Variants in KHDRBS3 observed in about 807,000 individuals in gnomAD.
The protein encoded by KHDRBS3 is KH RNA binding domain containing, signal transduction associated 3.
Under a neutral mutation model 45.6 loss-of-function variants are expected in KHDRBS3, and 23 were observed. The observed-to-expected ratio is 0.50, with a 90% CI of 0.36 to 0.72. KHDRBS3 has a LOEUF of 0.72. KHDRBS3 is among the 30% of genes least tolerant of loss of function. The probability of loss-of-function intolerance (pLI) is 0.00; values close to 1 mark genes in which losing one functional copy is unlikely to be tolerated. For missense variants in KHDRBS3, 352 were observed against 424.8 expected, an observed-to-expected ratio of 0.83 and a Z score of 1.51; for synonymous variants, 162 against 156.5, an observed-to-expected ratio of 1.04 and a Z score of -0.26.
chr8:135,470,800 G>T (rs1821979359), intron 1 of KHDRBS3, among the ~76,000 whole-genome samples: 2 of 152,176 alleles, frequency 1.3e-5, no homozygotes, highest in South Asian at 2.1e-4. Context: ...TGGCCAGGGT[G>T]GTCTTGAACT....
chr8:135,469,904 A>G (rs1451486248), intron 1 of KHDRBS3, among the ~76,000 whole-genome samples: 2 of 152,244 alleles, frequency 1.3e-5, no homozygotes, highest in African/African-American at 2.4e-5. Context: ...GCGCTAGAGT[A>G]CATCGCAGCC....
intron 4 of KHDRBS3, among the ~76,000 whole-genome samples, chr8:135,556,198 A>G (rs578252870): frequency 2.8e-4 from 43 of 152,304 alleles, no homozygotes; most frequent in Admixed American, 8.5e-4. Flanking sequence ...GTAAACATAC[A>G]TGTGCATGTG....
intron 7 of KHDRBS3, among the ~76,000 whole-genome samples, chr8:135,620,267 AT>A (rs1830083242): frequency 6.6e-6 from 1 of 151,898 alleles, no homozygotes. Context: ...TACTCAGCTA[AT>A]TTTCGTATTT....
chr8:135,556,785 G>A (rs1198126806), intron 4 of KHDRBS3, among the ~76,000 whole-genome samples: 1 of 152,122 alleles, frequency 6.6e-6, no homozygotes, highest in African/African-American at 2.4e-5. Context: ...GGAGTTCAGG[G>A]TGCTAAGGAA....
At chr8:135,477,570 A>C (rs1156646131) in intron 1 of KHDRBS3, among the ~76,000 whole-genome samples, 1 of 152,212 alleles carries the variant, frequency 6.6e-6, no homozygotes, top group Non-Finnish European at 1.5e-5. Flanking sequence ...ACAAACTAGG[A>C]CTTGATTCAG....
chr8:135,530,473 A>G (rs1825417167), intron 2 of KHDRBS3, among the ~76,000 whole-genome samples: 1 of 152,238 alleles, frequency 6.6e-6, no homozygotes, highest in Admixed American at 6.5e-5. Flanking sequence ...AAATGGACAC[A>G]TAATACAAAG....
chr8:135,606,182 T>G (rs1021536758), intron 6 of KHDRBS3, among the ~76,000 whole-genome samples: 2 of 151,888 alleles, frequency 1.3e-5, no homozygotes, highest in African/African-American at 4.8e-5. Flanking sequence ...AACCTCAAGG[T>G]CAACCAGAAG....
At chr8:135,574,571 T>C (rs1827866395) in intron 5 of KHDRBS3, among the ~76,000 whole-genome samples, 1 of 152,168 alleles carries the variant, frequency 6.6e-6, no homozygotes, top group African/African-American at 2.4e-5. Context: ...TCAAGAAGCA[T>C]ATTGAATATT....
intron 2 of KHDRBS3, among the ~76,000 whole-genome samples, chr8:135,523,837 C>T (rs745535596): frequency 3.3e-5 from 5 of 152,076 alleles, no homozygotes; most frequent in Non-Finnish European, 7.4e-5. Flanking sequence ...GCTTTTTCTA[C>T]ATCTATTGAA....
chr8:135,509,662 C>G (rs1407602922), intron 1 of KHDRBS3, among the ~76,000 whole-genome samples: 1 of 152,172 alleles, frequency 6.6e-6, no homozygotes, highest in Non-Finnish European at 1.5e-5. Flanking sequence ...ATACATTTAT[C>G]TCATTGAAGC....
intron 6 of KHDRBS3, among the ~76,000 whole-genome samples, chr8:135,602,706 C>T (rs1281900483): frequency 6.6e-6 from 1 of 152,094 alleles, no homozygotes; most frequent in African/African-American, 2.4e-5. Flanking sequence ...GCATTTTGCC[C>T]AACTGTGTGC....
In KHDRBS3 at chr8:135,465,540, G is replaced by A. The variant is rs954554460; in HGVS notation, c.88+7586G>A. 4.6e-5 allele frequency among the ~76,000 whole-genome samples: 7 copies of A among 152,132 alleles called. No individual in the cohort carries two copies. In the South Asian group the frequency reaches 8.3e-4, roughly 18 times the overall value. On this transcript the variant is annotated intron_variant, in intron 1 of 8. Transcript: ENST00000355849. ...AGGAAGCTTCTTTCATTAATATCAT[G>A]CACAAAATTAGCAGCAGCTCTGATT...
chr8:135,534,050 C>G (rs1219342833), intron 2 of KHDRBS3, among the ~76,000 whole-genome samples: 2 of 152,254 alleles, frequency 1.3e-5, no homozygotes, highest in South Asian at 2.1e-4. Flanking sequence ...CTAAGTTGAA[C>G]CATTGTAAGT....
chr8:135,627,239 A>G (rs554962605), intron 7 of KHDRBS3, among the ~76,000 whole-genome samples: 68 of 152,072 alleles, frequency 4.5e-4, no homozygotes, highest in African/African-American at 1.6e-3. Flanking sequence ...TCTCTTCCGC[A>G]CTCCTTCACC....
At chr8:135,577,107 G>GT (rs35447347) in intron 5 of KHDRBS3, among the ~76,000 whole-genome samples, 38,985 of 149,280 alleles carry the variant, frequency 0.26, 5,343 homozygotes, top group East Asian at 0.53. Context: ...CTTATTTACG[G>GT]TTTTTTTTTT....
chr8:135,526,196 T>TTTTC (rs1825175324), intron 2 of KHDRBS3, among the ~76,000 whole-genome samples: 1 of 152,090 alleles, frequency 6.6e-6, no homozygotes, highest in South Asian at 2.1e-4. Context: ...GACAATGCAT[T>TTTTC]TCTCGGAATG....
intron 7 of KHDRBS3, among the ~76,000 whole-genome samples, chr8:135,640,425 G>A (rs911270281): frequency 6.6e-6 from 1 of 152,140 alleles, no homozygotes; most frequent in Non-Finnish European, 1.5e-5. Flanking sequence ...CTCAGGGTTT[G>A]TGGTCTTCCT....
chr8:135,476,247 G>A (rs749369046), intron 1 of KHDRBS3, among the ~76,000 whole-genome samples: 4 of 151,942 alleles, frequency 2.6e-5, no homozygotes, highest in Admixed American at 1.3e-4. Context: ...GGGTTCAAGC[G>A]ATTCTCCTGC....
chr8:135,544,878 A>G (rs1306997010), intron 3 of KHDRBS3, among the ~76,000 whole-genome samples: 2 of 152,026 alleles, frequency 1.3e-5, no homozygotes, highest in African/African-American at 2.4e-5. Context: ...TTTACAATCC[A>G]CTGAACCCAC....
Sources: gnomAD v4.1 joint callset for allele counts (sites outside exome capture counted in the v4.1 genomes callset) on GRCh38, gnomAD v4.1.1 for gene constraint, MANE v1.5 for transcripts, NCBI Gene and HGNC (gene_info 2026-07-23, HGNC 2026-07-21) for gene names.